The following ETS1 variants were observed in gnomAD, a reference collection of about 807,000 sequenced individuals.
ETS1 encodes protein C-ets-1.
ETS1 carries 15 observed loss-of-function variants against 58.6 expected under a neutral mutation model. The observed-to-expected ratio is 0.26, with a 90% confidence interval of 0.17 to 0.39. The LOEUF is 0.39. Ranked by LOEUF, ETS1 falls within the 10% of genes least tolerant of loss-of-function variation. The pLI is 1.00. For missense variants in ETS1, 417 were observed against 610.5 expected, an observed-to-expected ratio of 0.68 and a Z score of 3.34; for synonymous variants, 214 against 218.2, an observed-to-expected ratio of 0.98 and a Z score of 0.17.
At chr11:128,554,210 G>A (rs1354489466) in intron 3 of ETS1, among the ~76,000 whole-genome samples, 1 of 152,298 alleles carries the variant, frequency 6.6e-6, no homozygotes, top group South Asian at 2.1e-4. Flanking sequence ...ATCAGAGGGA[G>A]TATAGGACAG....
chr11:128,484,505 T>C (rs1013761467), intron 7 of ETS1, among the ~76,000 whole-genome samples: 6 of 152,132 alleles, frequency 3.9e-5, no homozygotes, highest in Non-Finnish European at 5.9e-5. Flanking sequence ...TCAAGGAAAA[T>C]AGAGCATACC....
At chr11:128,532,110 C>G (rs946109837) in intron 3 of ETS1, among the ~76,000 whole-genome samples, 2 of 152,158 alleles carry the variant, frequency 1.3e-5, no homozygotes, top group Non-Finnish European at 2.9e-5. Context: ...TAAACCTAAA[C>G]CTCTATCTAT....
chr11:128,464,605 T>C lies in ETS1; in HGVS notation c.1124-978A>G, dbSNP rs905310015. Among the ~76,000 whole-genome samples the C allele has an allele frequency of 4.6e-5, 7 of 152,122 alleles. No homozygotes were observed. The highest frequency in any genetic ancestry group is 8.8e-5 in the Non-Finnish European group (6 of 68,004). ...ACTGCCCCTTATAACATAAACAAAC[T>C]GGGCAGAGCGGGACTGGGAAAGACC... On this transcript the variant is annotated intron_variant, in intron 8 of 9. Coordinates refer to ENST00000392668, the MANE Select transcript of ETS1 (RefSeq NM_001143820.2). This position sits in a 1 kb window ranked among gnomAD's most constrained non-coding sequence, Gnocchi z 4.1.
At chr11:128,581,269 C>T (rs911133625) in intron 1 of ETS1, among the ~76,000 whole-genome samples, 2 of 152,152 alleles carry the variant, frequency 1.3e-5, no homozygotes, top group South Asian at 2.1e-4. Context: ...AAGAAAATGC[C>T]AATTCTAGTC....
intron 2 of ETS1, among the ~76,000 whole-genome samples, chr11:128,570,349 T>C (rs1393599293): frequency 6.6e-6 from 1 of 151,866 alleles, no homozygotes; most frequent in Non-Finnish European, 1.5e-5. Flanking sequence ...GCGATTCTCA[T>C]GCCACAGCCT....
intron 3 of ETS1, chr11:128,529,012 T>A (rs1290566200): frequency 6.6e-6 from 1 of 152,246 alleles, no homozygotes; most frequent in Non-Finnish European, 1.5e-5. Flanking sequence ...TATTCTCAGA[T>A]GGCTGCTCAG....
intron 3 of ETS1, among the ~76,000 whole-genome samples, chr11:128,532,384 C>T (rs1310663767): frequency 1.3e-5 from 2 of 152,254 alleles, no homozygotes; most frequent in Non-Finnish European, 2.9e-5. Context: ...ATGTAATCTG[C>T]ATTCTGGCAC....
intron 8 of ETS1, among the ~76,000 whole-genome samples, chr11:128,469,422 G>A (rs890226993): frequency 6.6e-5 from 10 of 152,092 alleles, no homozygotes; most frequent in African/African-American, 2.4e-4. Flanking sequence ...CAGAACATTC[G>A]AATCCAGAAA....
At chr11:128,514,856 T>A (rs900844154) in intron 3 of ETS1, among the ~76,000 whole-genome samples, 5 of 152,268 alleles carry the variant, frequency 3.3e-5, no homozygotes, top group African/African-American at 1.2e-4. Flanking sequence ...TTGGCCCAGA[T>A]GAAAGCTTTT....
At chr11:128,468,913 A>G (rs2135418767) in intron 8 of ETS1, among the ~76,000 whole-genome samples, 1 of 152,308 alleles carries the variant, frequency 6.6e-6, no homozygotes, top group Middle Eastern at 3.4e-3. Context: ...CACAGACTAT[A>G]TCTTACTGAG....
chr11:128,468,321 CT>C (rs1862094361), intron 8 of ETS1, among the ~76,000 whole-genome samples: 1 of 152,242 alleles, frequency 6.6e-6, no homozygotes, highest in African/African-American at 2.4e-5. Flanking sequence ...TAAAAATCCC[CT>C]GCTATTCTGG....
intron 8 of ETS1, among the ~76,000 whole-genome samples, chr11:128,473,325 A>C (rs985574326): frequency 3.9e-5 from 6 of 152,238 alleles, no homozygotes; most frequent in Non-Finnish European, 7.3e-5. Flanking sequence ...GGTTTGGAGA[A>C]TACTATGGAA....
chr11:128,482,807 C>T (rs1048907069), intron 7 of ETS1, among the ~76,000 whole-genome samples: 36 of 152,148 alleles, frequency 2.4e-4, no homozygotes, highest in African/African-American at 8.0e-4. Context: ...AGGGCCTCGG[C>T]GAGCTCCTTC....
At chr11:128,522,371 C>G in intron 3 of ETS1, 1 of 990,610 alleles carries the variant, frequency 1.0e-6, no homozygotes, top group Non-Finnish European at 1.2e-6. Flanking sequence ...GGGCGTTTCT[C>G]GCGGCGCCGC....
intron 3 of ETS1, among the ~76,000 whole-genome samples, chr11:128,501,110 C>G (rs1236378560): frequency 6.6e-6 from 1 of 152,182 alleles, no homozygotes. Flanking sequence ...CTCCTATCAT[C>G]ACTTCCGTCC....
rs145882450 is a variant in ETS1, at chr11:128,566,512, A to G, written c.69+6550T>C. Among the ~76,000 whole-genome samples the G allele has an allele frequency of 3.3e-3, 504 of 152,256 alleles. 3 individuals are homozygous for G. Among genetic ancestry groups the G allele is most frequent in the Middle Eastern group, 6.8e-3 (2 of 294 alleles). On this transcript the variant is annotated intron_variant, in intron 2 of 9. Coordinates refer to ENST00000392668, the MANE Select transcript of ETS1 (RefSeq NM_001143820.2). ...AAGAGTACCAGACAGGGCCGGGCGC[A>G]GTGGCTCACACCTGTAATCCCAGCA...
At chr11:128,578,690 G>A (rs993334700) in intron 1 of ETS1, among the ~76,000 whole-genome samples, 4 of 151,990 alleles carry the variant, frequency 2.6e-5, no homozygotes, top group East Asian at 1.9e-4. Context: ...ACACACACAC[G>A]TGATTACAAT....
intron 1 of ETS1, among the ~76,000 whole-genome samples, chr11:128,583,171 GA>G: frequency 6.6e-6 from 1 of 152,148 alleles, no homozygotes; most frequent in Non-Finnish European, 1.5e-5. Flanking sequence ...GGCAGCGCTG[GA>G]CTAACTTGGT....
At chr11:128,555,996 A>C (rs1047069414) in intron 3 of ETS1, among the ~76,000 whole-genome samples, 9 of 152,240 alleles carry the variant, frequency 5.9e-5, no homozygotes, top group Non-Finnish European at 8.8e-5. Context: ...CAAAACTTCT[A>C]GGCTCTCTGA....
Sources: allele counts gnomAD v4.1 joint callset (sites outside exome capture counted in the v4.1 genomes callset), GRCh38; gene constraint gnomAD v4.1.1; non-coding constraint Gnocchi (gnomAD v3.1); transcripts MANE v1.5; gene names NCBI Gene and HGNC (gene_info 2026-07-23, HGNC 2026-07-21).